ATOH8: variants seen among roughly 807,000 people sequenced by gnomAD.
ATOH8 encodes atonal bHLH transcription factor 8.
A neutral mutation model predicts 21.2 loss-of-function variants in ATOH8; 9 were observed. That is an observed-to-expected ratio of 0.42 (90% CI 0.26 to 0.74). The LOEUF (loss-of-function observed/expected upper bound fraction) is 0.74. Ranked by LOEUF, ATOH8 falls within the 30% of genes least tolerant of loss-of-function variation. The pLI is 0.24. For missense variants in ATOH8, 524 were observed against 470.9 expected (o/e 1.11, Z -1.04); for synonymous variants, 253 against 224.0 (o/e 1.13, Z -1.16).
At chr2:85,772,919 A>G (rs2104521324) in intron 2 of ATOH8, 1 of 417,492 alleles carries the variant, frequency 2.4e-6, no homozygotes, top group Non-Finnish European at 4.7e-6. Context: ...TGCTCCTGAC[A>G]CTGCGGAACT....
At position 85,785,185 on chromosome 2, in the gene ATOH8, G is replaced by A. The variant is rs546829560; in HGVS notation, c.961-1700G>A. 6.6e-6 allele frequency among the ~76,000 whole-genome samples: 1 copy of A among 152,384 alleles called. No homozygotes were observed. The highest frequency in any genetic ancestry group is 1.9e-4 in the East Asian group (1 of 5,186). Reference sequence around the variant, plus strand: ...CAGGCCACGGGCAGGCTGAACAAGAGAAAAACCTTTTCTGCCCATGGCAGG... The same window carrying A: ...CAGGCCACGGGCAGGCTGAACAAGAAAAAAACCTTTTCTGCCCATGGCAGG... On this transcript the variant is annotated intron_variant, in intron 2 of 2. Transcript: ENST00000306279. This position sits in a 1 kb window ranked among gnomAD's most constrained non-coding sequence, Gnocchi z 4.1.
At position 85,754,476 on chromosome 2, in the gene ATOH8, G is replaced by C; in HGVS notation, c.287G>C (p.Arg96Pro). 6.8e-7 allele frequency: 1 copy of C among 1,460,122 alleles called. No homozygotes were observed. Among genetic ancestry groups the C allele is most frequent in the South Asian group, 1.4e-5 (1 of 70,160 alleles). 90.4% of individuals were successfully genotyped at this position (1,460,122 alleles called of 1,614,324 possible). A position where few individuals can be genotyped will look rare whatever the true frequency, so the allele number is the denominator to read the frequency against. Residue 96 changes from arginine to proline, a missense_variant, in exon 1 of 3, where the codon CGC becomes CCC. Transcript: ENST00000306279. Reference protein sequence around the residue: ...PRGGTDTAGERGGSRAPEVSD... With the variant: ...PRGGTDTAGEPGGSRAPEVSD... ...GGGGGCACGGACACAGCCGGGGAGC[G>C]CGGGGGCTCTCGGGCGCCCGAGGTC...
intron 1 of ATOH8, among the ~76,000 whole-genome samples, chr2:85,757,313 C>T (rs1679732405): frequency 6.6e-6 from 1 of 152,260 alleles, no homozygotes; most frequent in Non-Finnish European, 1.5e-5. Context: ...AGAGGAAGTC[C>T]TGTGTTCTGG....
At chr2:85,756,257 C>A (rs905202881) in intron 1 of ATOH8, among the ~76,000 whole-genome samples, 2 of 152,164 alleles carry the variant, frequency 1.3e-5, no homozygotes, top group African/African-American at 4.8e-5. Flanking sequence ...CCAGCTGGAA[C>A]CCTGGGCGGT....
chr2:85,758,356 C>T (rs1173180334), intron 1 of ATOH8, among the ~76,000 whole-genome samples: 2 of 152,236 alleles, frequency 1.3e-5, no homozygotes, highest in African/African-American at 4.8e-5. Flanking sequence ...CGGTCTTTTG[C>T]CACTGCACGT....
chr2:85,774,465 A>C (rs1242835544), intron 2 of ATOH8: 1 of 985,346 alleles, frequency 1.0e-6, no homozygotes, highest in Non-Finnish European at 1.2e-6. Flanking sequence ...GGGAAACAAC[A>C]AACCTTCCTT....
chr2:85,757,002 A>G (rs922614128), intron 1 of ATOH8, among the ~76,000 whole-genome samples: 2 of 152,250 alleles, frequency 1.3e-5, no homozygotes, highest in African/African-American at 4.8e-5. Context: ...AGGCACACCC[A>G]TGCCCTCTCA....
intron 2 of ATOH8, among the ~76,000 whole-genome samples, chr2:85,779,960 C>T (rs989217158): frequency 6.6e-6 from 1 of 152,156 alleles, no homozygotes; most frequent in African/African-American, 2.4e-5. Context: ...GGCAATCACA[C>T]CGACAACCAT....
rs1680602591 is a variant in ATOH8 at position 85,785,522 on chromosome 2, G to GC, written c.961-1359dup. On this transcript the variant is annotated intron_variant, in intron 2 of 2. Transcript: ENST00000306279. The surrounding 1 kb of genome is among the most constrained non-coding windows in gnomAD (Gnocchi z 4.1). ...CCTCCTTGGACCCCACTTCAGCCTT[G>GC]CCCCAGACTTGCGTCTTGGCTGGCT... Among the ~76,000 whole-genome samples the GC allele has an allele frequency of 6.6e-6, 1 of 152,164 alleles. No homozygotes were observed. The highest frequency in any genetic ancestry group is 1.5e-5 in the Non-Finnish European group (1 of 68,022).
At chr2:85,767,145 T>TG (rs56205007) in intron 2 of ATOH8, among the ~76,000 whole-genome samples, 152,251 of 152,252 alleles carry the variant, frequency 1, 76,125 homozygotes, top group Non-Finnish European at 1. Flanking sequence ...CTTCGTTTTG[T>TG]GCCTCCCAGC....
At position 85,754,559 on chromosome 2, in the gene ATOH8, C is replaced by A. The variant is rs915032368; in HGVS notation, c.370C>A (p.Pro124Thr). The change falls in exon 1 of 3, where the codon CCG (proline) becomes ACG (threonine). Residue 124 changes from proline to threonine, a missense_variant. Coordinates refer to ENST00000306279, the MANE Select transcript of ATOH8 (RefSeq NM_032827.7). The stretch of plus-strand genomic sequence containing the variant: ...CGCAGTGGGGCCAGGACTCCCCACG[C>A]CGCCGCCGCCGCCGCCTCCTGCGCC... ...LGAVGPGLPT[P>T]PPPPPPAPQS... 7.0e-7 allele frequency: 1 copy of A among 1,418,944 alleles called. No homozygotes were observed. The highest frequency in any genetic ancestry group is 1.5e-5 in the South Asian group (1 of 67,392). The allele number at this position is 1,418,944 out of a possible 1,614,324, so 87.9% of individuals were successfully genotyped here.
At position 85,773,064 on chromosome 2, in the gene ATOH8, C is replaced by T. The variant is rs1361536881; in HGVS notation, c.960+8882C>T. ...TGTTGAGGCTCAAAACAGGCAGCGCCATGGCAGAGTCATTCCGCCGTCACC... is the reference window on the plus strand; with the variant it reads ...TGTTGAGGCTCAAAACAGGCAGCGCTATGGCAGAGTCATTCCGCCGTCACC... On this transcript the variant is annotated intron_variant, in intron 2 of 2. Transcript: ENST00000306279. The T allele has an allele frequency of 1.4e-5, 5 of 356,426 alleles. No homozygotes were observed. In the East Asian group the frequency reaches 3.7e-4, roughly 26 times the overall value. 22.1% of individuals were successfully genotyped at this position (356,426 alleles called of 1,614,324 possible). A position where few individuals can be genotyped will look rare whatever the true frequency, so the allele number is the denominator to read the frequency against.
intron 2 of ATOH8, among the ~76,000 whole-genome samples, chr2:85,780,778 G>C (rs1239848066): frequency 1.3e-5 from 2 of 152,226 alleles, no homozygotes; most frequent in Admixed American, 1.3e-4. Flanking sequence ...GAAACTCTTA[G>C]ACACTCGGGA....
intron 1 of ATOH8, chr2:85,760,937 C>T (rs1679855265): frequency 6.6e-6 from 1 of 152,248 alleles, no homozygotes; most frequent in African/African-American, 2.4e-5. Flanking sequence ...CTCTTTCCAC[C>T]ATACTTTGAC....
chr2:85,767,304 G>A (rs1055040166), intron 2 of ATOH8, among the ~76,000 whole-genome samples: 1 of 152,008 alleles, frequency 6.6e-6, no homozygotes, highest in African/African-American at 2.4e-5. Context: ...GATTGCACGT[G>A]GTTATGAGTT....
In ATOH8 at chr2:85,790,459, G is replaced by A. The variant is rs1048138542; in HGVS notation, c.*3569G>A. ...GCCCACAGACTGTGCTGCTTCCTGG[G>A]TCTGGCCTGAGACTATCCCAGAAGA... On this transcript the variant is annotated 3_prime_UTR_variant, in exon 3 of 3. Transcript: ENST00000306279. Among the ~76,000 whole-genome samples the A allele has an allele frequency of 2.6e-5, 4 of 152,222 alleles. No homozygotes were observed. Among genetic ancestry groups the A allele is most frequent in the African/African-American group, 9.6e-5 (4 of 41,458 alleles).
At chr2:85,767,417 T>A (rs750040863) in intron 2 of ATOH8, among the ~76,000 whole-genome samples, 11 of 151,880 alleles carry the variant, frequency 7.2e-5, no homozygotes, top group Non-Finnish European at 1.2e-4. Flanking sequence ...CAGGAACTTA[T>A]AACAGGTGCT....
chr2:85,791,136 C>T lies in ATOH8; in HGVS notation c.*4246C>T, dbSNP rs767927940. Among the ~76,000 whole-genome samples the T allele has an allele frequency of 6.6e-6, 1 of 152,150 alleles. No individual in the cohort carries two copies. Among genetic ancestry groups the T allele is most frequent in the Non-Finnish European group, 1.5e-5 (1 of 68,018 alleles). On this transcript the variant is annotated 3_prime_UTR_variant, in exon 3 of 3. Coordinates refer to ENST00000306279, the MANE Select transcript of ATOH8 (RefSeq NM_032827.7). Reference sequence around the variant, plus strand: ...CTCCCACATGTCTCCCTTCTGGTGACCCGGACCCCAGACAAACTATGCCTG... The same window carrying T: ...CTCCCACATGTCTCCCTTCTGGTGATCCGGACCCCAGACAAACTATGCCTG...
intron 2 of ATOH8, among the ~76,000 whole-genome samples, chr2:85,768,140 C>T (rs1009357896): frequency 2.6e-5 from 4 of 152,166 alleles, no homozygotes; most frequent in African/African-American, 9.7e-5. Context: ...GGCCACTGTC[C>T]CTCTCACGAC....
Sources: gnomAD v4.1 joint callset for allele counts (sites outside exome capture counted in the v4.1 genomes callset) on GRCh38, gnomAD v4.1.1 for gene constraint, Gnocchi (gnomAD v3.1) non-coding constraint, MANE v1.5 for transcripts, NCBI Gene and HGNC (gene_info 2026-07-23, HGNC 2026-07-21) for gene names.